Variants in CEP128 observed in about 807,000 individuals in gnomAD.
CEP128 encodes centrosomal protein 128, also known as centrosomal protein 128kDa.
CEP128 carries 132 observed loss-of-function variants against 156.7 expected under a neutral mutation model. That is an observed-to-expected ratio of 0.84 (90% CI 0.73 to 0.97). The LOEUF (loss-of-function observed/expected upper bound fraction) is 0.97. CEP128 is among the 50% of genes least tolerant of loss of function. The probability of loss-of-function intolerance (pLI) is 0.00; values close to 1 mark genes in which losing one functional copy is unlikely to be tolerated. For missense variants in CEP128, 1,252 were observed against 1,281.9 expected (o/e 0.98, Z 0.36); for synonymous variants, 469 against 448.9 (o/e 1.04, Z -0.57).
At chr14:80,661,496 C>G (rs1895401907) in intron 19 of CEP128, among the ~76,000 whole-genome samples, 1 of 149,650 alleles carries the variant, frequency 6.7e-6, no homozygotes, top group Non-Finnish European at 1.5e-5. Context: ...ACTGAAGTCT[C>G]CCTCTTAAGA....
chr14:80,612,880 C>T (rs539831850), intron 19 of CEP128, among the ~76,000 whole-genome samples: 6 of 151,988 alleles, frequency 3.9e-5, no homozygotes, highest in South Asian at 2.1e-4. Context: ...CTCGCTCTGT[C>T]GCCAGGCTGG....
At chr14:80,919,711 A>G (rs371072170) in intron 2 of CEP128, among the ~76,000 whole-genome samples, 37 of 152,324 alleles carry the variant, frequency 2.4e-4, no homozygotes, top group African/African-American at 7.5e-4. Flanking sequence ...AAAAATTAAG[A>G]ACAACATAAA....
intron 4 of CEP128, among the ~76,000 whole-genome samples, chr14:80,912,428 A>AT (rs1884291778): frequency 6.6e-6 from 1 of 152,162 alleles, no homozygotes. Context: ...CTAAGTAGGG[A>AT]TCTAATATTC....
chr14:80,904,753 T>G, intron 6 of CEP128, 60 bp downstream of exon 6: 1 of 945,556 alleles, frequency 1.1e-6, no homozygotes, highest in East Asian at 2.4e-5. Context: ...CATTAGTCAT[T>G]TATATACAAT....
chr14:80,601,272 A>T (rs114699783), intron 19 of CEP128, among the ~76,000 whole-genome samples: 1,781 of 152,182 alleles, frequency 0.012, 34 homozygotes, highest in African/African-American at 0.041. Context: ...AATGATAGGG[A>T]TGTGTTCTGA....
At chr14:80,678,058 A>ATATG (rs58296674) in intron 19 of CEP128, among the ~76,000 whole-genome samples, 87 of 75,060 alleles carry the variant, frequency 1.2e-3, no homozygotes, top group Middle Eastern at 8.1e-3. Context: ...AAATATATAT[A>ATATG]TATATGTATA....
At chr14:80,789,414 T>G (rs183374452) in intron 14 of CEP128, among the ~76,000 whole-genome samples, 1 of 152,252 alleles carries the variant, frequency 6.6e-6, no homozygotes, top group East Asian at 1.9e-4. Context: ...GACGCTGAAG[T>G]AGAATTATTT....
intron 19 of CEP128, among the ~76,000 whole-genome samples, chr14:80,583,178 C>T (rs905200599): frequency 4.6e-5 from 7 of 152,296 alleles, no homozygotes; most frequent in African/African-American, 1.4e-4. Context: ...TACTACTCTT[C>T]CAACAAATCT....
chr14:80,540,662 G>A (rs1889714688), intron 21 of CEP128, among the ~76,000 whole-genome samples: 1 of 152,184 alleles, frequency 6.6e-6, no homozygotes, highest in African/African-American at 2.4e-5. Flanking sequence ...ATATCAGGAT[G>A]TCATTTGGAG....
intron 19 of CEP128, among the ~76,000 whole-genome samples, chr14:80,741,918 G>C (rs550424282): frequency 6.6e-6 from 1 of 151,354 alleles, no homozygotes; most frequent in Non-Finnish European, 1.5e-5. Flanking sequence ...TTTCTTCCTC[G>C]TATTTTCCTT....
chr14:80,593,908 T>C (rs1458442811), intron 19 of CEP128, among the ~76,000 whole-genome samples: 1 of 152,224 alleles, frequency 6.6e-6, no homozygotes, highest in African/African-American at 2.4e-5. Context: ...CGAAGTAATT[T>C]ATAGATTCAG....
chr14:80,899,226 G>A (rs1389279263), intron 7 of CEP128, among the ~76,000 whole-genome samples: 1 of 152,186 alleles, frequency 6.6e-6, no homozygotes, highest in Non-Finnish European at 1.5e-5. Context: ...TGTGTGGGAT[G>A]ATTTAGACAG....
intron 19 of CEP128, among the ~76,000 whole-genome samples, chr14:80,659,215 A>G (rs548704515): frequency 6.6e-6 from 1 of 152,328 alleles, no homozygotes; most frequent in East Asian, 1.9e-4. Flanking sequence ...GGAGAAGAAC[A>G]TTCTAGAGAG....
chr14:80,839,098 C>CA (rs1886229715), intron 10 of CEP128, among the ~76,000 whole-genome samples: 1 of 151,976 alleles, frequency 6.6e-6, no homozygotes, highest in Non-Finnish European at 1.5e-5. Context: ...GACTCCGTCT[C>CA]AAAAAAATGT....
intron 19 of CEP128, among the ~76,000 whole-genome samples, chr14:80,611,948 C>T (rs1428085772): frequency 6.6e-6 from 1 of 152,128 alleles, no homozygotes; most frequent in Admixed American, 6.5e-5. Flanking sequence ...ATCCCACCTA[C>T]TCAGAAGGCT....
intron 15 of CEP128, among the ~76,000 whole-genome samples, chr14:80,782,721 C>T (rs2139795454): frequency 6.6e-6 from 1 of 152,220 alleles, no homozygotes; most frequent in East Asian, 1.9e-4. Flanking sequence ...AATCCCCTCA[C>T]ATCTCCTCAT....
chr14:80,939,320 T>A (rs752714626), intron 2 of CEP128, 65 bp downstream of exon 2: 50 of 146,152 alleles, frequency 3.4e-4, no homozygotes, highest in Admixed American at 2.1e-4. Flanking sequence ...CTTGGCATAG[T>A]CTTTTCTACC....
intron 16 of CEP128, among the ~76,000 whole-genome samples, chr14:80,766,992 C>A (rs1900272011): frequency 6.6e-6 from 1 of 152,102 alleles, no homozygotes; most frequent in African/African-American, 2.4e-5. Flanking sequence ...CAAGATAAAA[C>A]TGTTATGCCT....
At chr14:80,529,664 T>C (rs113188101) in intron 22 of CEP128, among the ~76,000 whole-genome samples, 1 of 152,220 alleles carries the variant, frequency 6.6e-6, no homozygotes, top group African/African-American at 2.4e-5. Context: ...GAAAATAATA[T>C]GGGCATAACA....
Sources: allele counts gnomAD v4.1 joint callset (sites outside exome capture counted in the v4.1 genomes callset), GRCh38; gene constraint gnomAD v4.1.1; transcripts MANE v1.5; gene names NCBI Gene and HGNC (gene_info 2026-07-23, HGNC 2026-07-21).